COG5: variants seen among roughly 807,000 people sequenced by gnomAD.
The protein encoded by COG5 is conserved oligomeric Golgi complex subunit 5.
COG5 carries 86 observed loss-of-function variants against 110.4 expected under a neutral mutation model. The ratio of observed to expected loss-of-function variants is 0.78; its 90% CI spans 0.65 to 0.93. The LOEUF (loss-of-function observed/expected upper bound fraction) is 0.93, where lower values mean the gene tolerates loss of function less well. Among genes scored for constraint, COG5 ranks in the 40% least tolerant of loss-of-function variants. The probability of loss-of-function intolerance (pLI) is 0.00; values close to 1 mark genes in which losing one functional copy is unlikely to be tolerated. For missense variants in COG5, 1,077 were observed against 987.0 expected (o/e 1.09, Z -1.22); for synonymous variants, 360 against 334.6 (o/e 1.08, Z -0.83).
At chr7:107,498,803 CA>C (rs1405306232) in intron 6 of COG5, among the ~76,000 whole-genome samples, 1 of 152,012 alleles carries the variant, frequency 6.6e-6, no homozygotes, top group Non-Finnish European at 1.5e-5. Flanking sequence ...GGTTTTTATC[CA>C]AAATAACTGA....
chr7:107,329,429 T>A (rs1451717403), intron 10 of COG5, among the ~76,000 whole-genome samples: 1 of 152,184 alleles, frequency 6.6e-6, no homozygotes, highest in Non-Finnish European at 1.5e-5. Flanking sequence ...TATATCTATA[T>A]ACCCATCTAT....
At chr7:107,399,470 T>C (rs1226319508) in intron 7 of COG5, among the ~76,000 whole-genome samples, 1 of 152,054 alleles carries the variant, frequency 6.6e-6, no homozygotes, top group Non-Finnish European at 1.5e-5. Flanking sequence ...CCAGACTTGA[T>C]GGTTTTATAA....
intron 6 of COG5, among the ~76,000 whole-genome samples, chr7:107,431,847 T>C (rs1475405989): frequency 1.3e-5 from 2 of 152,108 alleles, no homozygotes; most frequent in Admixed American, 1.3e-4. Context: ...GTAGAGACAA[T>C]GTCTCACTTT....
At chr7:107,482,289 G>A (rs1051913665) in intron 6 of COG5, among the ~76,000 whole-genome samples, 2 of 151,468 alleles carry the variant, frequency 1.3e-5, no homozygotes, top group African/African-American at 2.4e-5. Flanking sequence ...ACTACAGGCA[G>A]GCACCACCAT....
At chr7:107,475,533 T>G in intron 6 of COG5, 1 of 490,324 alleles carries the variant, frequency 2.0e-6, no homozygotes, top group Non-Finnish European at 3.7e-6. Context: ...TCTTCATTAC[T>G]TAATGTATTT....
intron 2 of COG5, among the ~76,000 whole-genome samples, chr7:107,557,408 C>A (rs1584964613): frequency 6.6e-6 from 1 of 152,272 alleles, no homozygotes; most frequent in East Asian, 1.9e-4. Flanking sequence ...ACTACAGTCT[C>A]CTCTTCCTCT....
intron 6 of COG5, chr7:107,470,538 AGTTT>A (rs1796572570): frequency 6.6e-6 from 1 of 152,134 alleles, no homozygotes; most frequent in African/African-American, 2.4e-5. Context: ...AAATTTTAAG[AGTTT>A]GTTTAATTCT....
At position 107,210,554 on chromosome 7, in the gene COG5, A is replaced by C; in HGVS notation, c.2347T>G (p.Ser783Ala). 6.2e-7 allele frequency: 1 copy of C among 1,603,630 alleles called. No individual in the cohort carries two copies. ...RFSQWLDDHP[S>A]EKDRLLLIRG... ...ATGAGGAGGAGCCTGTCCTTTTCAG[A>C]TGGATGGTCATCCAGCCACTGAGAG... The change falls in exon 21 of 22, where the codon TCT becomes GCT. Residue 783 changes from serine to alanine, a missense_variant. By Grantham distance (99) the Ser-to-Ala change is moderately conservative. Transcript: ENST00000297135.
At chr7:107,539,156 TGC>T (rs1801801800) in intron 5 of COG5, among the ~76,000 whole-genome samples, 2 of 152,030 alleles carry the variant, frequency 1.3e-5, no homozygotes, top group Admixed American at 1.3e-4. Context: ...GGCATGGTGG[TGC>T]GTGCCTGTTG....
chr7:107,541,523 A>C (rs10226639), intron 5 of COG5, among the ~76,000 whole-genome samples: 3 of 57,028 alleles, frequency 5.3e-5, no homozygotes, highest in Non-Finnish European at 1.0e-4. Context: ...AAAAAAAAAA[A>C]ATATATATAT....
chr7:107,313,573 G>A (rs926704006), intron 11 of COG5, among the ~76,000 whole-genome samples: 31 of 152,146 alleles, frequency 2.0e-4, no homozygotes, highest in Non-Finnish European at 4.3e-4. Flanking sequence ...GTATAGTCAT[G>A]TTCTTTCTGG....
At chr7:107,447,596 T>C (rs1442837988) in intron 6 of COG5, among the ~76,000 whole-genome samples, 1 of 152,138 alleles carries the variant, frequency 6.6e-6, no homozygotes, top group African/African-American at 2.4e-5. Context: ...CTTGACAAGG[T>C]ATTATATTAG....
chr7:107,205,030 T>C (rs1418849798), intron 21 of COG5, among the ~76,000 whole-genome samples: 1 of 152,204 alleles, frequency 6.6e-6, no homozygotes, highest in African/African-American at 2.4e-5. Flanking sequence ...GTCCCTCCTC[T>C]CCCCTTCGCT....
chr7:107,341,271 T>A (rs1811148795), intron 10 of COG5, among the ~76,000 whole-genome samples: 1 of 152,004 alleles, frequency 6.6e-6, no homozygotes, highest in South Asian at 2.1e-4. Flanking sequence ...GTAATCCCAT[T>A]TACAATAGCC....
chr7:107,535,312 C>T (rs1459027059), intron 5 of COG5, among the ~76,000 whole-genome samples: 2 of 150,970 alleles, frequency 1.3e-5, no homozygotes, highest in Non-Finnish European at 3.0e-5. Context: ...CAAGAAATAA[C>T]TAAGAGCAGA....
chr7:107,282,181 A>T (rs987936914), intron 13 of COG5, among the ~76,000 whole-genome samples: 6 of 152,210 alleles, frequency 3.9e-5, no homozygotes, highest in Non-Finnish European at 5.9e-5. Flanking sequence ...ACAATACTAG[A>T]GCATACTATG....
chr7:107,212,447 A>G (rs1440288955), intron 19 of COG5, among the ~76,000 whole-genome samples: 1 of 152,262 alleles, frequency 6.6e-6, no homozygotes, highest in African/African-American at 2.4e-5. Flanking sequence ...GCTTTAGGTG[A>G]TAATTCAAGT....
intron 6 of COG5, among the ~76,000 whole-genome samples, chr7:107,435,988 G>A (rs1422882508): frequency 1.3e-5 from 2 of 152,178 alleles, no homozygotes; most frequent in African/African-American, 2.4e-5. Context: ...CACATCATTC[G>A]TGGCAACATG....
chr7:107,549,239 A>C (rs1802699208), intron 3 of COG5: 1 of 152,148 alleles, frequency 6.6e-6, no homozygotes, highest in Non-Finnish European at 1.5e-5. Context: ...CCCAGTCTCA[A>C]TGGGTTTCCA....
Sources: allele counts gnomAD v4.1 joint callset (sites outside exome capture counted in the v4.1 genomes callset), GRCh38; gene constraint gnomAD v4.1.1; transcripts MANE v1.5; gene names NCBI Gene and HGNC (gene_info 2026-07-23, HGNC 2026-07-21).